RSF1: variants seen among roughly 807,000 people sequenced by gnomAD.
RSF1 encodes HBV pX-associated protein 8.
RSF1 carries 13 observed loss-of-function variants against 145.2 expected under a neutral mutation model. The ratio of observed to expected loss-of-function variants is 0.09; its 90% CI spans 0.06 to 0.14. The LOEUF is 0.14. RSF1 is among the 10% of genes least tolerant of loss of function. The pLI is 1.00. For missense variants in RSF1, 1,517 were observed against 1,718.2 expected (o/e 0.88, Z 2.07); for synonymous variants, 577 against 592.6 (o/e 0.97, Z 0.38).
chr11:77,738,874 G>C (rs1428097122), intron 4 of RSF1: 1 of 151,106 alleles, frequency 6.6e-6, no homozygotes. Flanking sequence ...AGTAGAGATG[G>C]GGTTTCACCA....
chr11:77,823,413 C>G (rs1394232189), upstream of RSF1, among the ~76,000 whole-genome samples: 2 of 151,398 alleles, frequency 1.3e-5, no homozygotes, highest in African/African-American at 4.9e-5. Flanking sequence ...TCTCTTGACC[C>G]TGGGGACCTG....
At chr11:77,780,039 G>T (rs539798084) in intron 1 of RSF1, among the ~76,000 whole-genome samples, 1 of 152,220 alleles carries the variant, frequency 6.6e-6, no homozygotes, top group South Asian at 2.1e-4. Context: ...GCCAATGCTG[G>T]GTGTTCCCAA....
At position 77,787,511 on chromosome 11, in the gene RSF1, AAG is replaced by A. The variant is rs566447383; in HGVS notation, c.188-22824_188-22823del. On this transcript the variant is annotated intron_variant, in intron 1 of 15. Coordinates refer to ENST00000308488, the MANE Select transcript of RSF1 (RefSeq NM_016578.4). ...TATGGTTGCTTTTACACTACAGTAG[AAG>A]AGAGAGATAGCTGACACACAAACTG... Among the ~76,000 whole-genome samples, 10 of 152,322 alleles carry A rather than the reference AAG, an allele frequency of 6.6e-5. No homozygotes were observed. In the South Asian group the frequency reaches 1.0e-3, roughly 16 times the overall value.
At chr11:77,744,770 T>A (rs894065875) in intron 3 of RSF1, among the ~76,000 whole-genome samples, 1 of 152,230 alleles carries the variant, frequency 6.6e-6, no homozygotes, top group African/African-American at 2.4e-5. Flanking sequence ...ACTTTTCTTA[T>A]AGTGTTTGTG....
rs369869692 is a variant in RSF1 at position 77,785,982 on chromosome 11, C to CATG, written c.188-21296_188-21294dup. Among the ~76,000 whole-genome samples the CATG allele has an allele frequency of 7.2e-3, 315 of 43,712 alleles. 1 individual carries two copies. Among genetic ancestry groups the CATG allele is most frequent in the African/African-American group, 0.024 (281 of 11,570 alleles). 28.7% of individuals were successfully genotyped at this position (43,712 alleles called of 152,430 possible). On this transcript the variant is annotated intron_variant, in intron 1 of 15. Transcript: ENST00000308488. ...ATTATACGTAGATCTATTTGTTAAA[C>CATG]ATGAACTATGAACTCTAAAAAGAAA...
At chr11:77,788,446 G>A (rs1948482673) in intron 1 of RSF1, among the ~76,000 whole-genome samples, 2 of 148,282 alleles carry the variant, frequency 1.3e-5, no homozygotes, top group African/African-American at 5.0e-5. Flanking sequence ...TTCTAGAAAG[G>A]GAAATTCTAA....
chr11:77,725,869 A>G (rs1961042296), intron 4 of RSF1, among the ~76,000 whole-genome samples, 170 bp from the exon 5 acceptor site: 4 of 152,224 alleles, frequency 2.6e-5, no homozygotes, highest in African/African-American at 9.7e-5. Flanking sequence ...CACTAAGAAA[A>G]ACACATTAAA....
At chr11:77,805,752 A>AAC (rs1358521766) in intron 1 of RSF1, among the ~76,000 whole-genome samples, 3 of 152,240 alleles carry the variant, frequency 2.0e-5, no homozygotes, top group Non-Finnish European at 2.9e-5. Context: ...CTATGAAATT[A>AAC]ACATGGTAGT....
rs115274958 is a variant in RSF1 at position 77,743,067 on chromosome 11, T to C, written c.373-2131A>G. 2.3e-3 allele frequency among the ~76,000 whole-genome samples: 352 copies of C among 152,328 alleles called. 5 individuals carry two copies. The highest frequency in any genetic ancestry group is 0.01 in the Middle Eastern group (3 of 294). On this transcript the variant is annotated intron_variant, in intron 3 of 15. Transcript: ENST00000308488. ...AACTGACCATCAATACATGAGTTTGTTTCTGGGCTTTCTATCCTGTTCCAG... is the reference window on the plus strand; with the variant it reads ...AACTGACCATCAATACATGAGTTTGCTTCTGGGCTTTCTATCCTGTTCCAG...
At chr11:77,720,403 T>C (rs1951354815) in intron 5 of RSF1, among the ~76,000 whole-genome samples, 1 of 152,178 alleles carries the variant, frequency 6.6e-6, no homozygotes, top group South Asian at 2.1e-4. Flanking sequence ...GAATACAGTA[T>C]CCAATGTAGA....
At chr11:77,871,869 A>G in the RSF1 span, among the ~76,000 whole-genome samples, 1 of 152,366 alleles carries the variant, frequency 6.6e-6, no homozygotes, top group East Asian at 1.9e-4. Flanking sequence ...GACTCAGAGA[A>G]TTTAATTTAC....
chr11:77,782,300 G>A (rs1305022896), intron 1 of RSF1, among the ~76,000 whole-genome samples: 1 of 151,944 alleles, frequency 6.6e-6, no homozygotes, highest in African/African-American at 2.4e-5. Context: ...CAACACTTTG[G>A]GAGGCTGAGG....
chr11:77,836,437 G>C, the RSF1 span, among the ~76,000 whole-genome samples: 1 of 152,002 alleles, frequency 6.6e-6, no homozygotes, highest in Non-Finnish European at 1.5e-5. Flanking sequence ...ACAGCAAAAG[G>C]CATCCATTTC....
chr11:77,678,158 A>AAT lies in RSF1; in HGVS notation c.3066-7_3066-6dup. 1 of 1,583,676 alleles carries AAT rather than the reference A, an allele frequency of 6.3e-7. No individual in the cohort carries two copies. The highest frequency in any genetic ancestry group is 8.6e-7 in the Non-Finnish European group (1 of 1,156,118). On this transcript the variant is annotated splice_region_variant and splice_polypyrimidine_tract_variant and intron_variant, in intron 11 of 15. Coordinates refer to ENST00000308488, the MANE Select transcript of RSF1 (RefSeq NM_016578.4). ...GCTTCATCAAACTCATCAAATCTAAAATATACACAATGATCACATTATAGC... is the reference window on the plus strand; with the variant it reads ...GCTTCATCAAACTCATCAAATCTAAAATATATACACAATGATCACATTATAGC...
At chr11:77,728,115 T>C (rs139947183) in intron 4 of RSF1, among the ~76,000 whole-genome samples, 2 of 152,296 alleles carry the variant, frequency 1.3e-5, no homozygotes, top group African/African-American at 4.8e-5. Context: ...CTCCAAACCA[T>C]TTCTTCTTTC....
intron 2 of RSF1, among the ~76,000 whole-genome samples, chr11:77,759,615 C>T (rs1476287004): frequency 6.6e-6 from 1 of 152,096 alleles, no homozygotes; most frequent in East Asian, 1.9e-4. Context: ...ATCCAGGAGG[C>T]GGAGGTTGCA....
intron 1 of RSF1, among the ~76,000 whole-genome samples, chr11:77,820,252 A>C (rs1379267656): frequency 6.6e-6 from 1 of 152,080 alleles, no homozygotes; most frequent in Non-Finnish European, 1.5e-5. Flanking sequence ...CGACCGGCAC[A>C]ATGACCCCTC....
In RSF1 at chr11:77,664,763, GTTAATTCTTAGCTGAC is replaced by G. The variant is rs1959320736; in HGVS notation, c.*2138_*2153del. 1 of 152,170 alleles carries G rather than the reference GTTAATTCTTAGCTGAC, an allele frequency of 6.6e-6. No homozygotes were observed. Among genetic ancestry groups the G allele is most frequent in the Admixed American group, 6.6e-5 (1 of 15,264 alleles). The allele number at this position is 152,170 out of a possible 1,614,324, so 9.4% of individuals were successfully genotyped here. On this transcript the variant is annotated 3_prime_UTR_variant, in exon 16 of 16. Coordinates refer to ENST00000308488, the MANE Select transcript of RSF1 (RefSeq NM_016578.4). Reference sequence around the variant, plus strand: ...TTGCCTGTTTTAGATGGTTTAAAAGGTTAATTCTTAGCTGACTTGCAAATAAATAAAACAAACCTAG... The same window carrying G: ...TTGCCTGTTTTAGATGGTTTAAAAGGTTGCAAATAAATAAAACAAACCTAG...
the RSF1 span, among the ~76,000 whole-genome samples, chr11:77,852,019 A>G: frequency 6.6e-6 from 1 of 152,066 alleles, no homozygotes; most frequent in Non-Finnish European, 1.5e-5. Context: ...TGCTTTATCT[A>G]GTCCTCTGTG....
Sources: gnomAD v4.1 joint callset for allele counts (sites outside exome capture counted in the v4.1 genomes callset) on GRCh38, gnomAD v4.1.1 for gene constraint, MANE v1.5 for transcripts, NCBI Gene and HGNC (gene_info 2026-07-23, HGNC 2026-07-21) for gene names.